C16orf74: variants seen among roughly 807,000 people sequenced by gnomAD.
C16orf74 encodes calcimembrin.
In C16orf74, 10 loss-of-function variants were observed where a neutral mutation model predicts 6.5. That is an observed-to-expected ratio of 1.54 (90% CI 0.95 to 2.61). The LOEUF (loss-of-function observed/expected upper bound fraction) is 2.61. Ranked by LOEUF, C16orf74 falls within the 30% of genes most tolerant of loss-of-function variation. C16orf74 has a pLI of 0.00. For missense variants in C16orf74, 141 were observed against 105.9 expected (o/e 1.33, Z -1.45); for synonymous variants, 60 against 42.5 (o/e 1.41, Z -1.60).
intron 1 of C16orf74, among the ~76,000 whole-genome samples, chr16:85,744,555 A>G (rs1024186949): frequency 2.6e-5 from 4 of 152,138 alleles, no homozygotes; most frequent in Non-Finnish European, 5.9e-5. Context: ...CAGCAGCCAG[A>G]TGCGGTGGCT....
At chr16:85,746,896 C>A (rs2054379897) in intron 1 of C16orf74, among the ~76,000 whole-genome samples, 1 of 152,210 alleles carries the variant, frequency 6.6e-6, no homozygotes, top group African/African-American at 2.4e-5. Flanking sequence ...GCCAAAGGAA[C>A]TGGGTTGGGA....
chr16:85,721,978 CTTTTTT>C (rs146218477), intron 2 of C16orf74, among the ~76,000 whole-genome samples: 1 of 91,124 alleles, frequency 1.1e-5, no homozygotes, highest in African/African-American at 4.2e-5. Flanking sequence ...AGATTCTAAC[CTTTTTT>C]TTTTTTTTTT....
intron 2 of C16orf74, among the ~76,000 whole-genome samples, chr16:85,721,051 A>G (rs1480098266): frequency 6.6e-6 from 1 of 152,152 alleles, no homozygotes; most frequent in Admixed American, 6.5e-5. Flanking sequence ...AGATCGCGCC[A>G]CTGCACCCTA....
At chr16:85,730,927 A>G (rs1020848937) in intron 2 of C16orf74, among the ~76,000 whole-genome samples, 1 of 151,692 alleles carries the variant, frequency 6.6e-6, no homozygotes, top group African/African-American at 2.4e-5. Context: ...AGACCAGTGA[A>G]CTGGACCCCA....
Position 85,714,401 on chromosome 16 carries a change from ATTATTTATTTATTTAT to A in C16orf74, c.29-4110_29-4095del, listed in dbSNP as rs199601898. ...CTATTATTTATTTATTTATTTATTT[ATTATTTATTTATTTAT>A]TTATTTATTTATTTATTTTTGAGAC... is the stretch of plus-strand genomic sequence containing the variant. On this transcript the variant is annotated intron_variant, in intron 2 of 3. Transcript: ENST00000284245. Among the ~76,000 whole-genome samples the A allele has an allele frequency of 9.8e-4, 138 of 141,372 alleles. 2 individuals carry two copies. In the Middle Eastern group the frequency reaches 0.014, roughly 14 times the overall value. 92.7% of individuals were successfully genotyped at this position (141,372 alleles called of 152,430 possible).
Position 85,707,998 on chromosome 16 carries a change from G to A in C16orf74, c.*10C>T, listed in dbSNP as rs1447109501. 6.4e-7 allele frequency: 1 copy of A among 1,551,834 alleles called. No homozygotes were observed. Among genetic ancestry groups the A allele is most frequent in the East Asian group, 2.4e-5 (1 of 40,948 alleles). Reference sequence around the variant, plus strand: ...AGCAGGAGCCAGCCAGCCAAACCCAGGACACCTCCTCAGGCTTCTGGGTCG... The same window carrying A: ...AGCAGGAGCCAGCCAGCCAAACCCAAGACACCTCCTCAGGCTTCTGGGTCG... On this transcript the variant is annotated 3_prime_UTR_variant, in exon 4 of 4. Transcript: ENST00000284245.
intron 2 of C16orf74, among the ~76,000 whole-genome samples, chr16:85,712,986 G>A (rs1275784440): frequency 6.6e-6 from 1 of 152,182 alleles, no homozygotes; most frequent in Non-Finnish European, 1.5e-5. Flanking sequence ...CTCCAGAGGA[G>A]CCCCAGTGCC....
Position 85,718,851 on chromosome 16 carries a change from C to A in C16orf74, c.29-8544G>T, listed in dbSNP as rs576846592. Among the ~76,000 whole-genome samples, 55 of 152,370 alleles carry A rather than the reference C, an allele frequency of 3.6e-4. 1 individual carries two copies. The South Asian group carries it at 8.3e-3, about 23-fold the overall frequency. ...GGCACTTATTCATTGATTCCTTCAA[C>A]ATTCAGCACCTACTGGGTGCCAACG... On this transcript the variant is annotated intron_variant, in intron 2 of 3. Coordinates refer to ENST00000284245, the MANE Select transcript of C16orf74 (RefSeq NM_206967.3).
In C16orf74 at chr16:85,708,086, G is replaced by A; in HGVS notation, c.173-20C>T. The stretch of plus-strand genomic sequence containing the variant: ...GCCAGACTAGGAGAAAGAGGGGATG[G>A]ACACCTGGATGCACCCTGCCCCCAC... On this transcript the variant is annotated intron_variant, in intron 3 of 3. Coordinates refer to ENST00000284245, the MANE Select transcript of C16orf74 (RefSeq NM_206967.3). The A allele has an allele frequency of 2.6e-6, 4 of 1,549,426 alleles. No homozygotes were observed. The highest frequency in any genetic ancestry group is 3.5e-6 in the Non-Finnish European group (4 of 1,144,562).
intron 1 of C16orf74, among the ~76,000 whole-genome samples, chr16:85,745,042 G>A (rs981650106): frequency 2.0e-5 from 3 of 149,508 alleles, no homozygotes; most frequent in Non-Finnish European, 4.4e-5. Flanking sequence ...TCGGGAGGCT[G>A]AGGCAGGAGA....
intron 2 of C16orf74, among the ~76,000 whole-genome samples, chr16:85,714,178 G>A (rs2053996545): frequency 6.6e-6 from 1 of 152,062 alleles, no homozygotes; most frequent in South Asian, 2.1e-4. Context: ...CCTGGGCTGG[G>A]GAGAGACGGC....
chr16:85,743,683 C>G (rs1342023547), intron 1 of C16orf74: 2 of 152,200 alleles, frequency 1.3e-5, no homozygotes, highest in Admixed American at 6.5e-5. Flanking sequence ...CTTTGGGAGG[C>G]TGAGGCGAGC....
At chr16:85,734,206 CAATT>C (rs1237751028) in intron 2 of C16orf74, among the ~76,000 whole-genome samples, 2 of 152,184 alleles carry the variant, frequency 1.3e-5, no homozygotes, top group Non-Finnish European at 2.9e-5. Flanking sequence ...GGAAATAGTA[CAATT>C]AATTAAGAGC....
intron 1 of C16orf74, among the ~76,000 whole-genome samples, chr16:85,742,321 C>T (rs530748689): frequency 1.3e-5 from 2 of 151,992 alleles, no homozygotes; most frequent in African/African-American, 2.4e-5. Context: ...TGCAGTGAGC[C>T]GAGATCATGC....
intron 1 of C16orf74, among the ~76,000 whole-genome samples, chr16:85,743,896 A>G (rs1295975108): frequency 1.3e-5 from 2 of 152,116 alleles, no homozygotes; most frequent in East Asian, 3.9e-4. Flanking sequence ...TACTAAAAAT[A>G]CAAAAAAATT....
chr16:85,715,989 C>G (rs531328084), intron 2 of C16orf74, among the ~76,000 whole-genome samples: 3 of 143,946 alleles, frequency 2.1e-5, no homozygotes, highest in Non-Finnish European at 4.4e-5. Context: ...TGCGGAGGCC[C>G]CCGACAAAAG....
chr16:85,719,836 G>A (rs2054062411), intron 2 of C16orf74, among the ~76,000 whole-genome samples: 1 of 144,200 alleles, frequency 6.9e-6, no homozygotes, highest in African/African-American at 2.9e-5. Flanking sequence ...GGAACATAGG[G>A]GCCACAGGCC....
intron 2 of C16orf74, among the ~76,000 whole-genome samples, chr16:85,711,898 G>C (rs1474413416): frequency 6.6e-6 from 1 of 152,186 alleles, no homozygotes; most frequent in African/African-American, 2.4e-5. Context: ...GGTCAGTGTG[G>C]GGGTTCTGAA....
intron 2 of C16orf74, among the ~76,000 whole-genome samples, chr16:85,712,190 G>T (rs1038352947): frequency 4.6e-5 from 7 of 152,198 alleles, no homozygotes; most frequent in Admixed American, 3.9e-4. Flanking sequence ...GGAGCCTCCA[G>T]CCCCAGTCCA....
Sources: gnomAD v4.1 joint callset for allele counts (sites outside exome capture counted in the v4.1 genomes callset) on GRCh38, gnomAD v4.1.1 for gene constraint, MANE v1.5 for transcripts, NCBI Gene and HGNC (gene_info 2026-07-23, HGNC 2026-07-21) for gene names.